Variants in EDC3 observed in about 807,000 individuals in gnomAD.
The protein encoded by EDC3 is enhancer of mRNA-decapping protein 3.
In EDC3, 20 loss-of-function variants were observed where a neutral mutation model predicts 41.8. That is an observed-to-expected ratio of 0.48 (90% CI 0.34 to 0.70). EDC3 has a LOEUF of 0.70. Among genes scored for constraint, EDC3 ranks in the 30% least tolerant of loss-of-function variants. EDC3 has a pLI of 0.01. For missense variants in EDC3, 444 were observed against 636.8 expected, an observed-to-expected ratio of 0.70 and a Z score of 3.26; for synonymous variants, 206 against 243.2, an observed-to-expected ratio of 0.85 and a Z score of 1.42.
intron 4 of EDC3, among the ~76,000 whole-genome samples, chr15:74,648,176 C>G (rs1229534700): frequency 6.6e-6 from 1 of 152,238 alleles, no homozygotes; most frequent in Non-Finnish European, 1.5e-5. Context: ...AGTGGCACTT[C>G]TAAACTCCAA....
chr15:74,671,602 C>T lies in EDC3; in HGVS notation c.337G>A (p.Ala113Thr). ...FVKKPASSSS[A>T]PQNIPKRTDV... Reference sequence around the variant, plus strand: ...GTCCTCTTAGGGATATTCTGAGGGGCACTGCTGGAAGAGGCTGGCTTCTTG... The same window carrying T: ...GTCCTCTTAGGGATATTCTGAGGGGTACTGCTGGAAGAGGCTGGCTTCTTG... Residue 113 changes from alanine to threonine, a missense_variant, in exon 3 of 7, where the codon GCC becomes ACC. This residue lies in a region of EDC3 where 200 missense variants were observed against 244.0 expected (regional missense o/e 0.82). Transcript: ENST00000315127. The surrounding 1 kb of genome is among the most constrained non-coding windows in gnomAD (Gnocchi z 4.6). The T allele has an allele frequency of 4.3e-6, 7 of 1,614,196 alleles. No individual in the cohort carries two copies. The highest frequency in any genetic ancestry group is 5.9e-6 in the Non-Finnish European group (7 of 1,180,040).
At chr15:74,635,914 T>C in intron 5 of EDC3, 1 of 454,954 alleles carries the variant, frequency 2.2e-6, no homozygotes, top group Non-Finnish European at 4.0e-6. Flanking sequence ...TGCTGACCCA[T>C]GAACACTTAA....
At chr15:74,633,013 GC>G (rs1445035971) in intron 6 of EDC3, 67 bp from the exon 7 acceptor site, 1 of 1,514,382 alleles carries the variant, frequency 6.6e-7, no homozygotes, top group Non-Finnish European at 9.0e-7. Context: ...TGGGACTAGG[GC>G]CCAGGTCACC....
chr15:74,676,853 C>T (rs2062811617), intron 1 of EDC3: 1 of 152,132 alleles, frequency 6.6e-6, no homozygotes, highest in Non-Finnish European at 1.5e-5. Context: ...GACATGGACA[C>T]GGCAGGCAAG....
rs1397613660 is a variant in EDC3 at position 74,632,594 on chromosome 15, T to C, written c.*18A>G. On this transcript the variant is annotated 3_prime_UTR_variant, in exon 7 of 7. Transcript: ENST00000315127. The surrounding 1 kb of genome is among the most constrained non-coding windows in gnomAD (Gnocchi z 4.0). ...GGAGCAGCAGGGGACAGCAGAGTCCTGCCTGCGCAGGAACCCTCTAAGCAG... is the reference window on the plus strand; with the variant it reads ...GGAGCAGCAGGGGACAGCAGAGTCCCGCCTGCGCAGGAACCCTCTAAGCAG... 1 of 1,607,446 alleles carries C rather than the reference T, an allele frequency of 6.2e-7. No homozygotes were observed. The highest frequency in any genetic ancestry group is 1.1e-5 in the South Asian group (1 of 90,912).
At position 74,689,277 on chromosome 15, in the gene EDC3, T is replaced by C. The variant is rs184205896; in HGVS notation, c.-19+6603A>G. Among the ~76,000 whole-genome samples the C allele has an allele frequency of 1.4e-3, 210 of 152,328 alleles. No homozygotes were observed. In the Middle Eastern group the frequency reaches 0.017, roughly 12 times the overall value. On this transcript the variant is annotated intron_variant, in intron 1 of 6. Transcript: ENST00000315127. ...ATACGTGAGTTCTTTCTGCTCCTCA[T>C]CTTGCCAAAACTTGGTACTATTGTT... is the stretch of plus-strand genomic sequence containing the variant.
At chr15:74,661,428 T>G (rs1286910168) in intron 3 of EDC3, among the ~76,000 whole-genome samples, 2 of 152,104 alleles carry the variant, frequency 1.3e-5, no homozygotes, top group Non-Finnish European at 2.9e-5. Context: ...AAAGTTTTAT[T>G]GGCGCACAGT....
At chr15:74,666,218 A>G (rs1223242483) in intron 3 of EDC3, among the ~76,000 whole-genome samples, 1 of 152,212 alleles carries the variant, frequency 6.6e-6, no homozygotes, top group Non-Finnish European at 1.5e-5. Context: ...AAAAATAATT[A>G]TAACTCTACC....
At chr15:74,683,371 C>T (rs1177176170) in intron 1 of EDC3, among the ~76,000 whole-genome samples, 1 of 152,028 alleles carries the variant, frequency 6.6e-6, no homozygotes, top group East Asian at 1.9e-4. Flanking sequence ...CTCGTCTCTA[C>T]CAAAAATACA....
At chr15:74,674,867 C>T (rs531844690) in intron 2 of EDC3, 94 bp downstream of exon 2, 313 of 1,406,442 alleles carry the variant, frequency 2.2e-4, no homozygotes, top group African/African-American at 7.1e-5. Flanking sequence ...ATACAAAAAG[C>T]GGCCATATGC....
At chr15:74,658,600 A>G (rs2062578571) in intron 3 of EDC3, among the ~76,000 whole-genome samples, 1 of 132,594 alleles carries the variant, frequency 7.5e-6, no homozygotes, top group Non-Finnish European at 1.6e-5. Context: ...TGGTGATGGC[A>G]GTGAAGATGC....
intron 1 of EDC3, among the ~76,000 whole-genome samples, chr15:74,676,637 T>C (rs2062809944): frequency 9.2e-5 from 14 of 152,170 alleles, no homozygotes; most frequent in Admixed American, 9.2e-4. Context: ...ATTAAAAATC[T>C]GAGTAGCTGC....
At chr15:74,635,239 G>C in intron 6 of EDC3, 170 bp downstream of exon 6, 4 of 716,848 alleles carry the variant, frequency 5.6e-6, no homozygotes, top group Non-Finnish European at 1.0e-5. Context: ...AGAGGGAGAA[G>C]CATAAGGGGA....
chr15:74,670,318 TGTAACATTATTCTA>T (rs2062725057), intron 3 of EDC3, among the ~76,000 whole-genome samples: 1 of 152,218 alleles, frequency 6.6e-6, no homozygotes, highest in Non-Finnish European at 1.5e-5. Flanking sequence ...GATTCGCTAT[TGTAACATTATTCTA>T]GTAAATATGT....
intron 1 of EDC3, among the ~76,000 whole-genome samples, chr15:74,675,467 C>G (rs960723012): frequency 1.3e-5 from 2 of 150,422 alleles, no homozygotes; most frequent in African/African-American, 4.9e-5. Context: ...AAAATGTTTT[C>G]AAAGAGAGTA....
intron 6 of EDC3, chr15:74,635,176 G>A (rs974264428): frequency 1.6e-5 from 11 of 689,236 alleles, no homozygotes; most frequent in East Asian, 5.5e-5. Context: ...CCTGTTCAAC[G>A]AATATTTGTG....
At chr15:74,686,709 C>T (rs954672565) in intron 1 of EDC3, among the ~76,000 whole-genome samples, 5 of 151,746 alleles carry the variant, frequency 3.3e-5, no homozygotes, top group Admixed American at 6.6e-5. Context: ...GAACCCAAGA[C>T]GCAGAGGATA....
chr15:74,682,553 G>C lies in EDC3; in HGVS notation c.-18-7411C>G, dbSNP rs2062883413. The stretch of plus-strand genomic sequence containing the variant: ...GAATGGCGTGAACTGAAGAGGTGGA[G>C]CTTGCAGTGAGCCGAGATGGGGCCA... On this transcript the variant is annotated intron_variant, in intron 1 of 6. Transcript: ENST00000315127. 2.0e-5 allele frequency among the ~76,000 whole-genome samples: 3 copies of C among 148,272 alleles called. No individual in the cohort carries two copies. In the South Asian group the frequency reaches 6.4e-4, roughly 32 times the overall value.
chr15:74,655,605 G>T, intron 4 of EDC3, 128 bp downstream of exon 4: 1 of 916,744 alleles, frequency 1.1e-6, no homozygotes, highest in Non-Finnish European at 1.6e-6. Flanking sequence ...AATAATACCG[G>T]GCCAGCCACC....
Sources: allele counts gnomAD v4.1 joint callset (sites outside exome capture counted in the v4.1 genomes callset), GRCh38; gene constraint gnomAD v4.1.1; regional missense constraint gnomAD v4.1.1; non-coding constraint Gnocchi (gnomAD v3.1); transcripts MANE v1.5; gene names NCBI Gene and HGNC (gene_info 2026-07-23, HGNC 2026-07-21).